AGBL1: variants seen among roughly 807,000 people sequenced by gnomAD.
The protein encoded by AGBL1 is AGBL carboxypeptidase 1, also known as cytosolic carboxypeptidase 4.
AGBL1 carries 130 observed loss-of-function variants against 118.9 expected under a neutral mutation model. The observed-to-expected ratio is 1.09, with a 90% CI of 0.95 to 1.26. AGBL1 has a LOEUF of 1.26. AGBL1 is among the 50% of genes most tolerant of loss of function. The probability of loss-of-function intolerance (pLI) is 0.00; values close to 1 mark genes in which losing one functional copy is unlikely to be tolerated. For synonymous variants in AGBL1, 555 were observed against 478.9 expected, an observed-to-expected ratio of 1.16 and a Z score of -2.08; for missense variants, 1,584 against 1,298.1, an observed-to-expected ratio of 1.22 and a Z score of -3.38.
chr15:86,177,564 G>A (rs1822636), intron 5 of AGBL1, among the ~76,000 whole-genome samples: 1 of 152,114 alleles, frequency 6.6e-6, no homozygotes, highest in Non-Finnish European at 1.5e-5. Context: ...CAGTCACAAT[G>A]AATTTATAAG....
At chr15:86,640,879 C>T (rs1365706275) in intron 21 of AGBL1, among the ~76,000 whole-genome samples, 2 of 152,038 alleles carry the variant, frequency 1.3e-5, no homozygotes, top group African/African-American at 4.8e-5. Context: ...CCCTCAGTGA[C>T]AATGAATAAT....
chr15:86,527,558 C>G (rs1048885061), intron 19 of AGBL1, among the ~76,000 whole-genome samples: 1 of 152,122 alleles, frequency 6.6e-6, no homozygotes, highest in African/African-American at 2.4e-5. Flanking sequence ...GCAGCAGAAG[C>G]GCTGCCACTC....
intron 22 of AGBL1, among the ~76,000 whole-genome samples, chr15:86,757,923 A>G (rs1300600922): frequency 6.6e-6 from 1 of 152,160 alleles, no homozygotes; most frequent in Non-Finnish European, 1.5e-5. Flanking sequence ...GATACATTTT[A>G]TTCCACTTTG....
intron 22 of AGBL1, among the ~76,000 whole-genome samples, chr15:86,770,020 T>C (rs1256543275): frequency 6.6e-6 from 1 of 152,054 alleles, no homozygotes; most frequent in African/African-American, 2.4e-5. Context: ...CCTTTAATAC[T>C]GTATATTGAC....
At chr15:86,667,878 A>G (rs1003872588) in intron 21 of AGBL1, among the ~76,000 whole-genome samples, 3 of 152,212 alleles carry the variant, frequency 2.0e-5, no homozygotes, top group Non-Finnish European at 4.4e-5. Context: ...CCTGAGAGTG[A>G]GTAATTTATA....
intron 22 of AGBL1, among the ~76,000 whole-genome samples, chr15:86,824,835 A>G (rs1036559632): frequency 6.6e-6 from 1 of 152,128 alleles, no homozygotes; most frequent in African/African-American, 2.4e-5. Context: ...AGGCAGGTGG[A>G]TCACTTGAGG....
chr15:86,854,933 A>G lies in AGBL1; in HGVS notation c.3159-52154A>G, dbSNP rs548687119. On this transcript the variant is annotated intron_variant, in intron 22 of 22. Coordinates refer to ENST00000614907, the MANE Select transcript of AGBL1 (RefSeq NM_001386094.1). Reference sequence around the variant, plus strand: ...TCCATCACTGCTTTTTGATGACTTCAGTGATATCTTATATAGTTGTGATTT... The same window carrying G: ...TCCATCACTGCTTTTTGATGACTTCGGTGATATCTTATATAGTTGTGATTT... Among the ~76,000 whole-genome samples, 412 of 152,230 alleles carry G rather than the reference A, an allele frequency of 2.7e-3. 3 individuals carry two copies. The highest frequency in any genetic ancestry group is 9.1e-3 in the African/African-American group (378 of 41,538).
intron 22 of AGBL1, among the ~76,000 whole-genome samples, chr15:86,796,651 T>C (rs1023938363): frequency 6.6e-6 from 1 of 152,220 alleles, no homozygotes; most frequent in African/African-American, 2.4e-5. Context: ...CAGCAAACTA[T>C]GGCACAGGAT....
intron 19 of AGBL1, among the ~76,000 whole-genome samples, chr15:86,535,475 T>A (rs1349902435): frequency 6.6e-6 from 1 of 152,354 alleles, no homozygotes; most frequent in Admixed American, 6.5e-5. Context: ...CCCTGTGCTG[T>A]TCAAGTAATT....
chr15:86,669,582 A>T (rs2085705283), intron 21 of AGBL1, among the ~76,000 whole-genome samples: 3 of 152,224 alleles, frequency 2.0e-5, no homozygotes, highest in African/African-American at 7.2e-5. Context: ...AATAAAAGAA[A>T]TGAAAATAAA....
chr15:86,258,584 G>A (rs2078934601), intron 9 of AGBL1, among the ~76,000 whole-genome samples: 1 of 152,156 alleles, frequency 6.6e-6, no homozygotes, highest in African/African-American at 2.4e-5. Context: ...TCCTATAAAA[G>A]GTCCAATAGT....
intron 18 of AGBL1, among the ~76,000 whole-genome samples, chr15:86,476,093 A>T (rs970178512): frequency 6.6e-6 from 1 of 152,222 alleles, no homozygotes; most frequent in Non-Finnish European, 1.5e-5. Context: ...CTAAATATGG[A>T]AAGGAACAAC....
chr15:87,014,886 A>G (rs763920911), intron 24 of AGBL1, among the ~76,000 whole-genome samples: 1 of 151,962 alleles, frequency 6.6e-6, no homozygotes, highest in Non-Finnish European at 1.5e-5. Flanking sequence ...ACTTCACTGA[A>G]TAGAGGGCTG....
chr15:86,739,470 A>G (rs867749411), intron 22 of AGBL1, among the ~76,000 whole-genome samples: 116 of 146,540 alleles, frequency 7.9e-4, no homozygotes, highest in African/African-American at 2.9e-3. Flanking sequence ...AAAAAAGTAA[A>G]AGAGAAAAAA....
At chr15:86,117,699 A>G (rs991008786) in intron 1 of AGBL1, among the ~76,000 whole-genome samples, 2 of 152,328 alleles carry the variant, frequency 1.3e-5, no homozygotes, top group South Asian at 2.1e-4. Flanking sequence ...TTCCCTCCTG[A>G]TCATCAAATG....
At chr15:86,474,908 G>A (rs539848502) in intron 18 of AGBL1, among the ~76,000 whole-genome samples, 2 of 152,330 alleles carry the variant, frequency 1.3e-5, no homozygotes, top group South Asian at 4.1e-4. Flanking sequence ...AGCAACATTT[G>A]CTGTTCAGCA....
intron 23 of AGBL1, among the ~76,000 whole-genome samples, chr15:86,937,098 A>G (rs1353212000): frequency 6.6e-6 from 1 of 152,222 alleles, no homozygotes; most frequent in African/African-American, 2.4e-5. Flanking sequence ...GGAAACCACA[A>G]TGAGATATCA....
At chr15:86,747,070 CA>C (rs1404846608) in intron 22 of AGBL1, among the ~76,000 whole-genome samples, 1 of 152,004 alleles carries the variant, frequency 6.6e-6, no homozygotes, top group African/African-American at 2.4e-5. Flanking sequence ...GTCTCAGCTT[CA>C]CAGCCCCCCG....
At chr15:86,899,181 T>C (rs1356444370) in intron 22 of AGBL1, among the ~76,000 whole-genome samples, 1 of 152,162 alleles carries the variant, frequency 6.6e-6, no homozygotes, top group Non-Finnish European at 1.5e-5. Flanking sequence ...AATGTACATA[T>C]ACACCATGGA....
Sources: gnomAD v4.1 joint callset for allele counts (sites outside exome capture counted in the v4.1 genomes callset) on GRCh38, gnomAD v4.1.1 for gene constraint, MANE v1.5 for transcripts, NCBI Gene and HGNC (gene_info 2026-07-23, HGNC 2026-07-21) for gene names.